Variants in RYR2 observed in about 807,000 individuals in gnomAD.
RYR2 encodes ryanodine receptor 2, also known as cardiac muscle ryanodine receptor-calcium release channel.
Under a neutral mutation model 601.1 loss-of-function variants are expected in RYR2, and 227 were observed. That is an observed-to-expected ratio of 0.38 (90% CI 0.34 to 0.42). The LOEUF is 0.42. Among genes scored for constraint, RYR2 ranks in the 10% least tolerant of loss-of-function variants. The probability of loss-of-function intolerance (pLI) is 1.00; values close to 1 mark genes in which losing one functional copy is unlikely to be tolerated. For synonymous variants in RYR2, 2,223 were observed against 2,175.1 expected (o/e 1.02, Z -0.61); for missense variants, 4,646 against 6,156.5 (o/e 0.75, Z 8.21).
At position 237,593,494 on chromosome 1, in the gene RYR2, A is replaced by C. The variant is rs769163639; in HGVS notation, c.4294A>C (p.Ile1432Leu). The stretch of plus-strand genomic sequence containing the variant: ...TTCACAGTACTATTACTCAGTGAGA[A>C]TCTTTCCTGGACAAGAACCTGCTAA... Reference protein sequence around the residue: ...QTSTYYYSVRIFPGQEPANVW... With the variant: ...QTSTYYYSVRLFPGQEPANVW... The change falls in exon 33 of 105, where the codon ATC becomes CTC. Residue 1432 changes from isoleucine (I) to leucine (L), a missense_variant. Coordinates refer to ENST00000366574, the MANE Select transcript of RYR2 (RefSeq NM_001035.3). 212 of 1,613,094 alleles carry C rather than the reference A, an allele frequency of 1.3e-4. No homozygotes were observed. The highest frequency in any genetic ancestry group is 1.7e-4 in the Non-Finnish European group (205 of 1,179,648).
chr1:237,242,198 T>G (rs1005721911), intron 1 of RYR2, among the ~76,000 whole-genome samples: 7 of 150,496 alleles, frequency 4.7e-5, no homozygotes, highest in African/African-American at 1.7e-4. Flanking sequence ...TCACTGTTTT[T>G]TTTGTTTGTT....
chr1:237,356,876 G>T (rs374955772), intron 4 of RYR2, among the ~76,000 whole-genome samples: 47 of 152,224 alleles, frequency 3.1e-4, no homozygotes, highest in African/African-American at 1.1e-3. Context: ...TTTTGTATTT[G>T]CTCTGTGACT....
chr1:237,046,633 C>T (rs376326541), intron 1 of RYR2, among the ~76,000 whole-genome samples: 53 of 152,196 alleles, frequency 3.5e-4, no homozygotes, highest in African/African-American at 1.2e-3. Flanking sequence ...AGATCTAAAA[C>T]GCTTAGGGCA....
intron 22 of RYR2, among the ~76,000 whole-genome samples, chr1:237,505,739 G>A (rs114426638): frequency 0.01 from 1,570 of 152,294 alleles, 28 homozygotes; most frequent in African/African-American, 0.034. Flanking sequence ...CCACCTCGTC[G>A]TTGGGCATTG....
chr1:237,639,022 T>C lies in RYR2; in HGVS notation c.6936T>C (p.Ser2312=), dbSNP rs1282237936. ...LRFAVFCNGE[S]VEENANVVVR... is the part of the protein sequence containing the mutation. Reference sequence around the variant, plus strand: ...TTCCCCATTCTACTTTAGGGGAGAGTGTGGAGGAAAATGCAAATGTCGTGG... The same window carrying C: ...TTCCCCATTCTACTTTAGGGGAGAGCGTGGAGGAAAATGCAAATGTCGTGG... Residue 2312 remains serine, a synonymous_variant, in exon 46 of 105, where the codon AGT becomes AGC. Transcript: ENST00000366574. The C allele has an allele frequency of 3.1e-6, 5 of 1,613,190 alleles. No homozygotes were observed. The African/African-American group carries it at 6.7e-5, about 22-fold the overall frequency.
intron 44 of RYR2, among the ~76,000 whole-genome samples, chr1:237,637,422 A>G (rs1680985871): frequency 6.6e-6 from 1 of 152,220 alleles, no homozygotes; most frequent in African/African-American, 2.4e-5. Flanking sequence ...AAGGCCAGGC[A>G]AAAATATGTT....
rs547274929 is a variant in RYR2, at chr1:237,788,976, CAT to C, written c.13476+844_13476+845del. ...CTTTTCCTCCTTTATAAAAATTAAA[CAT>C]ATGTGTATATATGTATAATTTTTAT... On this transcript the variant is annotated intron_variant, in intron 92 of 104. Coordinates refer to ENST00000366574, the MANE Select transcript of RYR2 (RefSeq NM_001035.3). 9.5e-4 allele frequency among the ~76,000 whole-genome samples: 144 copies of C among 151,624 alleles called. 1 individual carries two copies. The South Asian group carries it at 1.0e-2, about 11-fold the overall frequency.
intron 47 of RYR2, among the ~76,000 whole-genome samples, chr1:237,642,441 A>T (rs1681657355): frequency 6.6e-6 from 1 of 152,244 alleles, no homozygotes; most frequent in Non-Finnish European, 1.5e-5. Context: ...CAACAAAAAT[A>T]CTTGCTCACA....
chr1:237,219,390 G>A (rs966040673), intron 1 of RYR2, among the ~76,000 whole-genome samples: 3 of 152,104 alleles, frequency 2.0e-5, no homozygotes, highest in Non-Finnish European at 4.4e-5. Flanking sequence ...CCATTCCGAC[G>A]TGTCAATGTC....
intron 1 of RYR2, among the ~76,000 whole-genome samples, chr1:237,087,480 A>C (rs796313531): frequency 8.5e-5 from 13 of 152,336 alleles, no homozygotes; most frequent in African/African-American, 3.1e-4. Flanking sequence ...GAGATGCAAA[A>C]TGTGAGAAGT....
intron 39 of RYR2, 81 bp from the exon 40 acceptor site, chr1:237,625,580 A>C: frequency 7.1e-7 from 1 of 1,417,372 alleles, no homozygotes; most frequent in African/African-American, 1.4e-5. Context: ...TGTGCATGAA[A>C]GAAATTACAA....
At chr1:237,670,863 C>G (rs896900805) in intron 58 of RYR2, among the ~76,000 whole-genome samples, 35 of 152,228 alleles carry the variant, frequency 2.3e-4, no homozygotes, top group African/African-American at 8.4e-4. Flanking sequence ...TGTAGATACT[C>G]AAAAAGTTTC....
At chr1:237,537,164 C>A (rs186080595) in intron 25 of RYR2, among the ~76,000 whole-genome samples, 2 of 152,246 alleles carry the variant, frequency 1.3e-5, no homozygotes, top group East Asian at 1.9e-4. Context: ...CTTATAAGAC[C>A]CATTTCTTTT....
At chr1:237,558,897 A>C (rs1280761704) in intron 27 of RYR2, among the ~76,000 whole-genome samples, 1 of 151,786 alleles carries the variant, frequency 6.6e-6, no homozygotes, top group East Asian at 1.9e-4. Flanking sequence ...ATGTATGTTT[A>C]ATTTCAGGTA....
chr1:237,109,459 T>C (rs1036817153), intron 1 of RYR2, among the ~76,000 whole-genome samples: 37 of 152,212 alleles, frequency 2.4e-4, no homozygotes, highest in African/African-American at 8.7e-4. Flanking sequence ...GCTGTCTGTT[T>C]TGGAAAATCT....
At chr1:237,273,149 T>G (rs2149355322) in intron 2 of RYR2, among the ~76,000 whole-genome samples, 1 of 152,134 alleles carries the variant, frequency 6.6e-6, no homozygotes, top group East Asian at 1.9e-4. Context: ...CCTGAGCTTG[T>G]TTTCCTGCTA....
intron 1 of RYR2, among the ~76,000 whole-genome samples, chr1:237,185,876 C>T (rs1030128947): frequency 6.6e-6 from 1 of 152,230 alleles, no homozygotes; most frequent in Non-Finnish European, 1.5e-5. Context: ...CAAGGTTAAA[C>T]AGCAACATAG....
At chr1:237,162,091 A>G (rs1279041120) in intron 1 of RYR2, among the ~76,000 whole-genome samples, 2 of 152,188 alleles carry the variant, frequency 1.3e-5, no homozygotes, top group Non-Finnish European at 2.9e-5. Flanking sequence ...GGCAAATGTG[A>G]CAACCAGGGC....
intron 2 of RYR2, among the ~76,000 whole-genome samples, chr1:237,302,364 A>C (rs1384515576): frequency 2.0e-5 from 3 of 152,186 alleles, no homozygotes; most frequent in Non-Finnish European, 4.4e-5. Context: ...TTATGGTAAA[A>C]AATTCAAATA....
Sources: allele counts gnomAD v4.1 joint callset (sites outside exome capture counted in the v4.1 genomes callset), GRCh38; gene constraint gnomAD v4.1.1; transcripts MANE v1.5; gene names NCBI Gene and HGNC (gene_info 2026-07-23, HGNC 2026-07-21).